Variants in DPP10 observed in about 807,000 individuals in gnomAD.
DPP10 encodes the protein inactive dipeptidyl peptidase 10.
In DPP10, 33 loss-of-function variants were observed where a neutral mutation model predicts 120.9. The ratio of observed to expected loss-of-function variants is 0.27; its 90% confidence interval spans 0.21 to 0.37. The LOEUF (loss-of-function observed/expected upper bound fraction) is 0.37. Among genes scored for constraint, DPP10 ranks in the 10% least tolerant of loss-of-function variants. DPP10 has a pLI of 1.00. For synonymous variants in DPP10, 337 were observed against 326.1 expected (o/e 1.03, Z -0.36); for missense variants, 816 against 942.8 (o/e 0.87, Z 1.76).
intron 1 of DPP10, among the ~76,000 whole-genome samples, chr2:114,552,969 C>T (rs1275075389): frequency 6.6e-6 from 1 of 152,194 alleles, no homozygotes; most frequent in Non-Finnish European, 1.5e-5. Flanking sequence ...CCTTTAATTT[C>T]CTCATTCAAA....
At chr2:115,125,840 C>T (rs1328779145) in intron 1 of DPP10, among the ~76,000 whole-genome samples, 3 of 152,102 alleles carry the variant, frequency 2.0e-5, no homozygotes, top group Non-Finnish European at 4.4e-5. Flanking sequence ...CCTTGGCCTC[C>T]CAAAGTGCTG....
intron 1 of DPP10, among the ~76,000 whole-genome samples, chr2:114,936,677 A>G (rs1051622375): frequency 4.0e-5 from 6 of 151,800 alleles, no homozygotes; most frequent in African/African-American, 1.5e-4. Flanking sequence ...ACCTTTTTTC[A>G]CTGTAGTTGT....
At chr2:115,064,720 G>T (rs1030463850) in intron 1 of DPP10, 22 of 1,303,114 alleles carry the variant, frequency 1.7e-5, no homozygotes, top group Non-Finnish European at 2.1e-5. Flanking sequence ...GTGAGGGTGA[G>T]GTTGCATTTG....
At chr2:114,705,237 T>C (rs1186479238) in intron 1 of DPP10, among the ~76,000 whole-genome samples, 1 of 152,120 alleles carries the variant, frequency 6.6e-6, no homozygotes, top group Admixed American at 6.6e-5. Flanking sequence ...ATGGAGAAAA[T>C]TCTTATCCTA....
chr2:115,339,508 T>A (rs1253064660), intron 2 of DPP10, among the ~76,000 whole-genome samples: 2 of 152,174 alleles, frequency 1.3e-5, no homozygotes, highest in Admixed American at 1.3e-4. Flanking sequence ...TATAAAAAAA[T>A]GTTTATAGTA....
chr2:115,558,982 A>G (rs896723749), intron 5 of DPP10, among the ~76,000 whole-genome samples: 1 of 152,164 alleles, frequency 6.6e-6, no homozygotes, highest in African/African-American at 2.4e-5. Context: ...AGTTTAGTTG[A>G]TCAAGCTTTC....
chr2:115,513,023 A>G (rs970605764), intron 4 of DPP10, among the ~76,000 whole-genome samples: 15 of 151,972 alleles, frequency 9.9e-5, no homozygotes, highest in Non-Finnish European at 1.9e-4. Context: ...TTCCCTTTCA[A>G]TTCTATAAAT....
intron 1 of DPP10, among the ~76,000 whole-genome samples, chr2:114,814,565 G>T (rs1448060779): frequency 5.3e-5 from 8 of 151,880 alleles, no homozygotes; most frequent in African/African-American, 1.9e-4. Flanking sequence ...TATTGCACTG[G>T]CACGTTTGAG....
At chr2:115,799,960 T>A (rs1261196950) in intron 19 of DPP10, among the ~76,000 whole-genome samples, 1 of 151,936 alleles carries the variant, frequency 6.6e-6, no homozygotes, top group Admixed American at 6.6e-5. Flanking sequence ...AGTAATGGGA[T>A]GGCTGGGTCA....
At chr2:114,538,663 C>T (rs1686706865) in intron 1 of DPP10, among the ~76,000 whole-genome samples, 1 of 152,150 alleles carries the variant, frequency 6.6e-6, no homozygotes, top group Non-Finnish European at 1.5e-5. Context: ...AGTAGCACTG[C>T]AATCTCAGAA....
At chr2:114,506,623 G>A (rs1683681621) in intron 1 of DPP10, among the ~76,000 whole-genome samples, 1 of 152,042 alleles carries the variant, frequency 6.6e-6, no homozygotes, top group African/African-American at 2.4e-5. Context: ...GCTGCTGTGG[G>A]GTCTGCACAA....
At chr2:114,894,520 A>T (rs2106633978) in intron 1 of DPP10, among the ~76,000 whole-genome samples, 1 of 152,314 alleles carries the variant, frequency 6.6e-6, no homozygotes, top group East Asian at 1.9e-4. Context: ...AACAATATTC[A>T]TTGGAATATT....
chr2:114,883,013 G>A (rs1691771856), intron 1 of DPP10, among the ~76,000 whole-genome samples: 1 of 152,102 alleles, frequency 6.6e-6, no homozygotes, highest in African/African-American at 2.4e-5. Context: ...GAAAAGAAAG[G>A]CAAGTTCTTA....
chr2:114,454,290 A>G (rs1678443520), intron 1 of DPP10, among the ~76,000 whole-genome samples: 2 of 152,154 alleles, frequency 1.3e-5, no homozygotes, highest in Admixed American at 6.6e-5. Context: ...TACCATTGTT[A>G]AGTGCCCAAA....
intron 1 of DPP10, among the ~76,000 whole-genome samples, chr2:115,242,738 T>A (rs2058347596): frequency 6.6e-6 from 1 of 152,010 alleles, no homozygotes; most frequent in African/African-American, 2.4e-5. Context: ...TTTTTGGTTT[T>A]GATTGGCGTT....
chr2:115,234,977 C>A (rs1040006482), intron 1 of DPP10, among the ~76,000 whole-genome samples: 3 of 152,242 alleles, frequency 2.0e-5, no homozygotes, highest in Admixed American at 6.5e-5. Flanking sequence ...TATGATCTCT[C>A]TGGGATAAGA....
chr2:114,702,717 G>A (rs1700457598), intron 1 of DPP10, among the ~76,000 whole-genome samples: 1 of 152,082 alleles, frequency 6.6e-6, no homozygotes, highest in African/African-American at 2.4e-5. Context: ...TCACAAGGAT[G>A]CCTTCTGGCA....
At chr2:115,642,471 C>A (rs1382436106) in intron 5 of DPP10, among the ~76,000 whole-genome samples, 2 of 152,168 alleles carry the variant, frequency 1.3e-5, no homozygotes, top group South Asian at 2.1e-4. Flanking sequence ...AACTGCAATT[C>A]TTTTCCGCGT....
At chr2:114,543,687 C>A (rs35399781) in intron 1 of DPP10, among the ~76,000 whole-genome samples, 8,553 of 152,244 alleles carry the variant, frequency 0.056, 302 homozygotes, top group South Asian at 0.094. Context: ...AACTCCTCTC[C>A]CATACGGGCT....
Sources: gnomAD v4.1 joint callset for allele counts (sites outside exome capture counted in the v4.1 genomes callset) on GRCh38, gnomAD v4.1.1 for gene constraint, MANE v1.5 for transcripts, NCBI Gene and HGNC (gene_info 2026-07-23, HGNC 2026-07-21) for gene names.